NLRP4: variants seen among roughly 807,000 people sequenced by gnomAD.
NLRP4 encodes NACHT, LRR and PYD domains-containing protein 4.
A neutral mutation model predicts 84.7 loss-of-function variants in NLRP4; 44 were observed. The ratio of observed to expected loss-of-function variants is 0.52; its 90% CI spans 0.41 to 0.67. The LOEUF is 0.67. Ranked by LOEUF, NLRP4 falls within the 30% of genes least tolerant of loss-of-function variation. The pLI is 0.00. For synonymous variants in NLRP4, 544 were observed against 476.4 expected (o/e 1.14, Z -1.85); for missense variants, 1,260 against 1,219.4 (o/e 1.03, Z -0.50).
chr19:55,853,791 T>TTCTCTC (rs746686465), intron 2 of NLRP4, among the ~76,000 whole-genome samples: 1 of 124,518 alleles, frequency 8.0e-6, no homozygotes, highest in South Asian at 2.6e-4. Context: ...CTGTCTCTCT[T>TTCTCTC]TCTCTCTCTC....
intron 5 of NLRP4, among the ~76,000 whole-genome samples, chr19:55,864,663 G>A (rs1418816329): frequency 6.6e-6 from 1 of 152,142 alleles, no homozygotes; most frequent in Non-Finnish European, 1.5e-5. Context: ...GCACAATTCT[G>A]TATTCCTACC....
rs74624131 is a variant in NLRP4, at chr19:55,849,461, G to A, written c.-65-2555G>A. On this transcript the variant is annotated intron_variant, in intron 1 of 9. Coordinates refer to ENST00000301295, the MANE Select transcript of NLRP4 (RefSeq NM_134444.5). The stretch of plus-strand genomic sequence containing the variant: ...CAGAAATGTACTTCCTCTAGTTCTG[G>A]AGGCTGGAAGTTCAAATCAAGGTCC... 6.7e-3 allele frequency among the ~76,000 whole-genome samples: 1,013 copies of A among 152,260 alleles called. 12 individuals carry two copies. The highest frequency in any genetic ancestry group is 0.022 in the African/African-American group (933 of 41,548).
chr19:55,881,544 C>T lies in NLRP4; in HGVS notation c.2942C>T (p.Thr981Ile). The T allele has an allele frequency of 6.2e-7, 1 of 1,608,124 alleles. No homozygotes were observed. The highest frequency in any genetic ancestry group is 8.5e-7 in the Non-Finnish European group (1 of 1,174,576). ...GAGGAAGAGAGAAATCCTAACCTGA[C>T]CATCACAGACGACTGTGACACAATC... is the stretch of plus-strand genomic sequence containing the variant. ...TAEEERNPNL[T>I]ITDDCDTITR... is the part of the protein sequence containing the mutation. Residue 981 changes from threonine to isoleucine, a missense_variant, in exon 10 of 10, where the codon ACC (threonine) becomes ATC (isoleucine). Coordinates refer to ENST00000301295, the MANE Select transcript of NLRP4 (RefSeq NM_134444.5).
intron 1 of NLRP4, among the ~76,000 whole-genome samples, chr19:55,840,366 G>A (rs1983564479): frequency 7.5e-6 from 1 of 134,168 alleles, no homozygotes; most frequent in Non-Finnish European, 1.6e-5. Context: ...GTGTGTGTGT[G>A]TGTGTGTGTG....
At chr19:55,851,372 A>T (rs373445812) in intron 1 of NLRP4, among the ~76,000 whole-genome samples, 376 of 52,664 alleles carry the variant, frequency 7.1e-3, no homozygotes, top group Middle Eastern at 0.011. Flanking sequence ...GTAATGTCCG[A>T]GGCTGCGGTG....
rs149366236 is a variant in NLRP4, at chr19:55,877,940, G to A, written c.2696+774G>A. 1.5e-3 allele frequency among the ~76,000 whole-genome samples: 236 copies of A among 152,272 alleles called. 1 individual carries two copies. The highest frequency in any genetic ancestry group is 5.3e-3 in the African/African-American group (222 of 41,542). On this transcript the variant is annotated intron_variant, in intron 8 of 9. Coordinates refer to ENST00000301295, the MANE Select transcript of NLRP4 (RefSeq NM_134444.5). ...TATAAATTTTGGCAGGGACAGAAAT[G>A]AGCCCATAGCAGCATCTCAGGAGTT...
intron 6 of NLRP4, among the ~76,000 whole-genome samples, chr19:55,869,117 A>G (rs1017883996): frequency 6.6e-6 from 1 of 152,206 alleles, no homozygotes; most frequent in Admixed American, 6.5e-5. Context: ...GAGAGATTTC[A>G]GGATGCAGTT....
intron 1 of NLRP4, among the ~76,000 whole-genome samples, chr19:55,847,258 T>C (rs1233398681): frequency 6.6e-6 from 1 of 152,210 alleles, no homozygotes; most frequent in East Asian, 1.9e-4. Flanking sequence ...TTGCTATTGA[T>C]CTCTAATTTC....
chr19:55,865,836 C>T lies in NLRP4; in HGVS notation c.2187-1873C>T, dbSNP rs564182129. On this transcript the variant is annotated intron_variant, in intron 5 of 9. Transcript: ENST00000301295. ...TTCTGATTACAAGTTATATACGAGACGTACTTTGTGAATATTTTTTGCCAT... is the reference window on the plus strand; with the variant it reads ...TTCTGATTACAAGTTATATACGAGATGTACTTTGTGAATATTTTTTGCCAT... Among the ~76,000 whole-genome samples, 24 of 152,170 alleles carry T rather than the reference C, an allele frequency of 1.6e-4. No homozygotes were observed. In the South Asian group the frequency reaches 1.7e-3, roughly 11 times the overall value.
chr19:55,864,271 A>G (rs1486156425), intron 5 of NLRP4, among the ~76,000 whole-genome samples: 1 of 152,176 alleles, frequency 6.6e-6, no homozygotes, highest in Non-Finnish European at 1.5e-5. Context: ...ACATACTTTC[A>G]GTCCTATTGG....
chr19:55,858,279 A>G lies in NLRP4; in HGVS notation c.886A>G (p.Ile296Val). The G allele has an allele frequency of 6.2e-7, 1 of 1,614,156 alleles. No homozygotes were observed. Among genetic ancestry groups the G allele is most frequent in the East Asian group, 2.2e-5 (1 of 44,874 alleles). ...CCGGGATCAGGTGACGATCTCAGAA[A>G]TCTACCAGCCCCGGGGATTCAACGA... ...ELRDQVTISE[I>V]YQPRGFNESD... Residue 296 changes from isoleucine (I) to valine (V), a missense_variant, in exon 3 of 10, where the codon ATC becomes GTC. Ile to Val is a conservative substitution (Grantham distance 29). Around this residue, in one of 3 missense-constraint regions of NLRP4, gnomAD observed 712 missense variants for 669.2 expected, o/e 1.06. Coordinates refer to ENST00000301295, the MANE Select transcript of NLRP4 (RefSeq NM_134444.5). The surrounding 1 kb of genome is among the most constrained non-coding windows in gnomAD (Gnocchi z 4.2).
intron 1 of NLRP4, among the ~76,000 whole-genome samples, chr19:55,845,094 T>C (rs1034753362): frequency 6.6e-6 from 1 of 151,762 alleles, no homozygotes; most frequent in Admixed American, 6.6e-5. Context: ...GTTACATATG[T>C]ATACATGTGC....
chr19:55,863,586 C>T (rs971621890), intron 5 of NLRP4, among the ~76,000 whole-genome samples: 9 of 152,088 alleles, frequency 5.9e-5, no homozygotes, highest in African/African-American at 1.4e-4. Flanking sequence ...CCCATGATTC[C>T]GTCACCCCCC....
rs1220053591 is a variant in NLRP4, at chr19:55,858,770, T to C, written c.1377T>C (p.Cys459=). 1 of 1,614,224 alleles carries C rather than the reference T, an allele frequency of 6.2e-7. No homozygotes were observed. Among genetic ancestry groups the C allele is most frequent in the Admixed American group, 1.7e-5 (1 of 60,022 alleles). The change falls in exon 3 of 10, where the codon TGT becomes TGC. Residue 459 remains cysteine (C), a synonymous_variant. Coordinates refer to ENST00000301295, the MANE Select transcript of NLRP4 (RefSeq NM_134444.5). This position sits in a 1 kb window ranked among gnomAD's most constrained non-coding sequence, Gnocchi z 4.2. The part of the protein sequence containing the change: ...VFLHVCIQEF[C]AALFYLLKSH... ...TCCACGTGTGTATCCAGGAGTTCTGTGCCGCCTTGTTCTATTTGCTCAAGA... is the reference window on the plus strand; with the variant it reads ...TCCACGTGTGTATCCAGGAGTTCTGCGCCGCCTTGTTCTATTTGCTCAAGA...
In NLRP4 at chr19:55,876,974, T is replaced by C. The variant is rs149204762; in HGVS notation, c.2526-22T>C. 1.6e-3 allele frequency: 2,489 copies of C among 1,603,914 alleles called. 39 individuals are homozygous for C. The East Asian group carries it at 0.016, about 10-fold the overall frequency. On this transcript the variant is annotated intron_variant, in intron 7 of 9. Transcript: ENST00000301295. Reference sequence around the variant, plus strand: ...ACTGAGGTGTAATAGCCTTTAAGCATGGTACCCTTACTCCTTTGCAGTTTG... The same window carrying C: ...ACTGAGGTGTAATAGCCTTTAAGCACGGTACCCTTACTCCTTTGCAGTTTG...
At position 55,877,223 on chromosome 19, in the gene NLRP4, A is replaced by T. The variant is rs1985409034; in HGVS notation, c.2696+57A>T. Reference sequence around the variant, plus strand: ...CATGAGTGGCAAAGACGGAAAATGGATGGGAAGAAAGAGAAAGATGAAAAC... The same window carrying T: ...CATGAGTGGCAAAGACGGAAAATGGTTGGGAAGAAAGAGAAAGATGAAAAC... On this transcript the variant is annotated intron_variant, in intron 8 of 9. Transcript: ENST00000301295. 2.7e-6 allele frequency: 4 copies of T among 1,502,570 alleles called. No homozygotes were observed. The South Asian group carries it at 4.6e-5, about 17-fold the overall frequency. The allele number at this position is 1,502,570 out of a possible 1,614,324, so 93.1% of individuals were successfully genotyped here.
chr19:55,850,243 T>G (rs866960199), intron 1 of NLRP4, among the ~76,000 whole-genome samples: 27 of 129,804 alleles, frequency 2.1e-4, no homozygotes, highest in African/African-American at 8.7e-4. Context: ...GGCTGCGGTG[T>G]AATTTCCGAG....
At chr19:55,866,928 C>G (rs1448170040) in intron 5 of NLRP4, among the ~76,000 whole-genome samples, 1 of 152,132 alleles carries the variant, frequency 6.6e-6, no homozygotes, top group Non-Finnish European at 1.5e-5. Flanking sequence ...TTGGGATTTT[C>G]TCCAAGTGCA....
chr19:55,846,027 A>G (rs996744684), intron 1 of NLRP4, among the ~76,000 whole-genome samples: 3 of 152,154 alleles, frequency 2.0e-5, no homozygotes, highest in African/African-American at 7.2e-5. Flanking sequence ...CTTTAGTTTA[A>G]TTAGATCCCA....
Sources: allele counts gnomAD v4.1 joint callset (sites outside exome capture counted in the v4.1 genomes callset), GRCh38; gene constraint gnomAD v4.1.1; regional missense constraint gnomAD v4.1.1; non-coding constraint Gnocchi (gnomAD v3.1); transcripts MANE v1.5; gene names NCBI Gene and HGNC (gene_info 2026-07-23, HGNC 2026-07-21).